The following NCF1 variants were observed in gnomAD, a reference collection of about 807,000 sequenced individuals.
NCF1 encodes the protein neutrophil cytosol factor 1.
In NCF1, 8 loss-of-function variants were observed where a neutral mutation model predicts 34.9. That is an observed-to-expected ratio of 0.23 (90% CI 0.13 to 0.41). NCF1 has a LOEUF of 0.41. Ranked by LOEUF, NCF1 falls within the 10% of genes least tolerant of loss-of-function variation. The pLI is 1.00. For missense variants in NCF1, 122 were observed against 362.4 expected (o/e 0.34, Z 5.39); for synonymous variants, 57 against 146.3 (o/e 0.39, Z 4.41).
At chr7:74,783,294 G>C in intron 6 of NCF1, 1 of 764,196 alleles carries the variant, frequency 1.3e-6, no homozygotes. Flanking sequence ...TGTTCTGTCT[G>C]GATGGGTATG....
At chr7:74,787,175 C>T (rs1796689650) in intron 8 of NCF1, among the ~76,000 whole-genome samples, 1 of 151,796 alleles carries the variant, frequency 6.6e-6, no homozygotes, top group Non-Finnish European at 1.5e-5. Context: ...AGGGAGCTCA[C>T]GCCTGTAATC....
intron 6 of NCF1, 94 bp downstream of exon 6, chr7:74,783,155 G>T: frequency 6.4e-7 from 1 of 1,568,976 alleles, no homozygotes; most frequent in East Asian, 2.4e-5. Flanking sequence ...CTTGCCCCTG[G>T]GAGGACTCCG....
Position 74,788,024 on chromosome 7 carries a change from CA to C in NCF1, c.845del (p.Lys282SerfsTer94). The C allele has an allele frequency of 5.2e-6, 1 of 193,982 alleles. No homozygotes were observed. The highest frequency in any genetic ancestry group is 8.2e-6 in the Non-Finnish European group (1 of 121,320). The allele number at this position is 193,982 out of a possible 1,614,324, so 12.0% of individuals were successfully genotyped here. The stretch of plus-strand genomic sequence containing the variant: ...AGGCTACTTCCCGTCCATGTACCTG[CA>C]AAAGTCAGGGCAAGACGTGTCCCAG... Reference protein sequence around the residue: ...VTGYFPSMYLQKSGQDVSQAQ... With the variant: ...VTGYFPSMYLXKSGQDVSQAQ... On this transcript the variant is annotated frameshift_variant, in exon 9 of 11. Transcript: ENST00000289473. LOFTEE classifies it high-confidence loss of function.
At chr7:74,778,685 G>A (rs1307607298) in intron 2 of NCF1, among the ~76,000 whole-genome samples, 1 of 139,400 alleles carries the variant, frequency 7.2e-6, no homozygotes, top group Non-Finnish European at 1.6e-5. Context: ...TTCTAGGCCC[G>A]AGATATTTAG....
intron 5 of NCF1, among the ~76,000 whole-genome samples, chr7:74,781,299 T>C (rs1244021234): frequency 4.2e-5 from 2 of 47,376 alleles, no homozygotes; most frequent in East Asian, 2.5e-3. Context: ...CCCTGGAGAC[T>C]GAAAGGAGCC....
chr7:74,787,685 T>C (rs1213140634), intron 8 of NCF1, among the ~76,000 whole-genome samples: 1 of 147,426 alleles, frequency 6.8e-6, no homozygotes, highest in African/African-American at 2.5e-5. Flanking sequence ...CTCAAAGTAC[T>C]GGGATTACAG....
At position 74,783,518 on chromosome 7, in the gene NCF1, G is replaced by C; in HGVS notation, c.575-7G>C. On this transcript the variant is annotated splice_polypyrimidine_tract_variant and splice_region_variant and intron_variant, in intron 6 of 10. Coordinates refer to ENST00000289473, the MANE Select transcript of NCF1 (RefSeq NM_000265.7). Reference sequence around the variant, plus strand: ...CCCTCAGTCACATTCCCGCACCTCTGGCACAGGTTGGTGGTTCTGTCAGAT... The same window carrying C: ...CCCTCAGTCACATTCCCGCACCTCTCGCACAGGTTGGTGGTTCTGTCAGAT... 1 of 1,611,320 alleles carries C rather than the reference G, an allele frequency of 6.2e-7. No individual in the cohort carries two copies. The highest frequency in any genetic ancestry group is 8.5e-7 in the Non-Finnish European group (1 of 1,179,630).
chr7:74,777,289 G>A lies in NCF1; in HGVS notation c.95G>A (p.Trp32Ter). Residue 32 changes from tryptophan to a stop codon, truncating the protein, a stop_gained, in exon 2 of 11, where the codon TGG becomes TAG. Transcript: ENST00000289473. LOFTEE classifies it high-confidence loss of function. ...QHYVYMFLVK[W>*]QDLSEKVVYR... ...CAGGTGTACATGTTCCTGGTGAAAT[G>A]GCAGGACCTGTCGGAGAAGGTGGTC... 6.2e-7 allele frequency: 1 copy of A among 1,612,382 alleles called. No individual in the cohort carries two copies.
intron 8 of NCF1, among the ~76,000 whole-genome samples, chr7:74,785,883 CAAAA>C (rs1208073697): frequency 1.0e-4 from 7 of 69,218 alleles, no homozygotes; most frequent in Admixed American, 1.9e-4. Flanking sequence ...AACTCCGTCT[CAAAA>C]AAAAAAAAAA....
rs782343851 is a variant in NCF1 at position 74,782,462 on chromosome 7, G to A, written c.452-477G>A. Among the ~76,000 whole-genome samples the A allele has an allele frequency of 1.4e-3, 105 of 75,762 alleles. 1 individual carries two copies. The highest frequency in any genetic ancestry group is 2.0e-3 in the Non-Finnish European group (85 of 41,726). 49.7% of individuals were successfully genotyped at this position (75,762 alleles called of 152,430 possible). ...AAAAAAAAAAAAAAGTTGGGAAAAG[G>A]CCAGGTGCAGTGGCTCCACACCTGT... On this transcript the variant is annotated intron_variant, in intron 5 of 10. Transcript: ENST00000289473.
In NCF1 at chr7:74,777,361, T is replaced by C. The variant is rs707410; in HGVS notation, c.153+14T>C. ...TACGAGTTCCATGTGAGTGTGGGGA[T>C]GGAGGAGGGACAGGGACCCACCGTT... On this transcript the variant is annotated intron_variant, in intron 2 of 10. Coordinates refer to ENST00000289473, the MANE Select transcript of NCF1 (RefSeq NM_000265.7). 0.81 allele frequency: 1,181,654 copies of C among 1,450,804 alleles called. 478,478 individuals are homozygous for C. Among genetic ancestry groups the C allele is most frequent in the East Asian group, 0.95 (39,172 of 41,026 alleles). The allele number at this position is 1,450,804 out of a possible 1,614,324, so 89.9% of individuals were successfully genotyped here.
Position 74,788,706 on chromosome 7 carries a change from T to TA in NCF1, c.1051+2_1051+3insA. The TA allele has an allele frequency of 6.5e-7, 1 of 1,547,974 alleles. No individual in the cohort carries two copies. The highest frequency in any genetic ancestry group is 8.7e-7 in the Non-Finnish European group (1 of 1,154,878). The stretch of plus-strand genomic sequence containing the variant: ...CGCAGAGCCCCGGGAGCCCGCTCGG[T>TA]GAGTGCAGCGGGAGAGGGCAGGAAG... On this transcript the variant is annotated splice_region_variant and intron_variant, in intron 10 of 10. Coordinates refer to ENST00000289473, the MANE Select transcript of NCF1 (RefSeq NM_000265.7).
intron 2 of NCF1, 61 bp downstream of exon 2, chr7:74,777,408 G>C (rs1554413168): frequency 1.5e-6 from 2 of 1,320,374 alleles, no homozygotes; most frequent in Non-Finnish European, 2.1e-6. Flanking sequence ...CTTTGGGAAG[G>C]ACCTTAGCCC....
chr7:74,777,299 G>A lies in NCF1; in HGVS notation c.105G>A (p.Leu35=), dbSNP rs782762643. ...TGTTCCTGGTGAAATGGCAGGACCT[G>A]TCGGAGAAGGTGGTCTACCGGCGCT... ...VYMFLVKWQD[L]SEKVVYRRFT... Residue 35 remains leucine (L), a synonymous_variant, in exon 2 of 11, where the codon CTG becomes CTA. Coordinates refer to ENST00000289473, the MANE Select transcript of NCF1 (RefSeq NM_000265.7). 9 of 1,611,812 alleles carry A rather than the reference G, an allele frequency of 5.6e-6. No homozygotes were observed. Among genetic ancestry groups the A allele is most frequent in the Non-Finnish European group, 7.6e-6 (9 of 1,178,882 alleles).
At chr7:74,775,937 T>C (rs1230275265) in intron 1 of NCF1, among the ~76,000 whole-genome samples, 1 of 96,958 alleles carries the variant, frequency 1.0e-5, no homozygotes, top group Non-Finnish European at 2.0e-5. Context: ...CCATATTGAT[T>C]CTGGATCAGT....
At chr7:74,787,115 A>C (rs1796688616) in intron 8 of NCF1, among the ~76,000 whole-genome samples, 1 of 151,114 alleles carries the variant, frequency 6.6e-6, no homozygotes, top group Non-Finnish European at 1.5e-5. Context: ...GATGGATCAC[A>C]GGTTTATCCC....
chr7:74,777,255 G>A lies in NCF1; in HGVS notation c.73-12G>A, dbSNP rs1554413105. 7.4e-6 allele frequency: 12 copies of A among 1,612,554 alleles called. No homozygotes were observed. Among genetic ancestry groups the A allele is most frequent in the Non-Finnish European group, 1.0e-5 (12 of 1,179,120 alleles). ...GGCTGAATGGGGTCCCCCGACTCTG[G>A]CTTTCCCCCAGGTGTACATGTTCCT... is the stretch of plus-strand genomic sequence containing the variant. On this transcript the variant is annotated splice_polypyrimidine_tract_variant and intron_variant, in intron 1 of 10. Transcript: ENST00000289473.
At chr7:74,777,623 A>G (rs1796498544) in intron 2 of NCF1, 3 of 380,024 alleles carry the variant, frequency 7.9e-6, no homozygotes, top group Admixed American at 7.4e-5. Context: ...CAGGGGCGCA[A>G]TCATAGCTCA....
chr7:74,783,491 GC>G, intron 6 of NCF1, 33 bp from the exon 7 acceptor site: 2 of 1,603,938 alleles, frequency 1.2e-6, no homozygotes, highest in Non-Finnish European at 1.7e-6. Context: ...GCTGGGCCCT[GC>G]CCCTCAGTCA....
Sources: allele counts gnomAD v4.1 joint callset (sites outside exome capture counted in the v4.1 genomes callset), GRCh38; gene constraint gnomAD v4.1.1; transcripts MANE v1.5; gene names NCBI Gene and HGNC (gene_info 2026-07-23, HGNC 2026-07-21).